The following C11orf65 variants were observed in gnomAD, a reference collection of about 807,000 sequenced individuals.
C11orf65 encodes chromosome 11 open reading frame 65, also known as protein MFI.
Under a neutral mutation model 35.3 loss-of-function variants are expected in C11orf65, and 38 were observed. That is an observed-to-expected ratio of 1.08 (90% CI 0.83 to 1.41). C11orf65 has a LOEUF of 1.41. C11orf65 is among the 40% of genes most tolerant of loss of function. The pLI, the probability that C11orf65 is intolerant of heterozygous loss-of-function variation, is 0.00. For synonymous variants in C11orf65, 105 were observed against 114.4 expected, an observed-to-expected ratio of 0.92 and a Z score of 0.53; for missense variants, 370 against 367.1, an observed-to-expected ratio of 1.01 and a Z score of -0.06.
intron 6 of C11orf65, among the ~76,000 whole-genome samples, chr11:108,316,794 C>G (rs868499686): frequency 2.0e-4 from 29 of 145,740 alleles, no homozygotes; most frequent in African/African-American, 6.8e-4. Flanking sequence ...GGTGTGGTGG[C>G]GGGTGCCTGT....
chr11:108,372,945 T>G (rs916969987), intron 2 of C11orf65, among the ~76,000 whole-genome samples: 1 of 152,024 alleles, frequency 6.6e-6, no homozygotes, highest in Non-Finnish European at 1.5e-5. Context: ...CTGGGTGTAG[T>G]GGCACATGCT....
At chr11:108,352,936 AG>A (rs548163755) in intron 2 of C11orf65, among the ~76,000 whole-genome samples, 236 of 152,254 alleles carry the variant, frequency 1.6e-3, no homozygotes, top group Non-Finnish European at 2.7e-3. Flanking sequence ...GCTGGGTGAT[AG>A]GCTATGGGAG....
At position 108,434,074 on chromosome 11, in the gene C11orf65, A is replaced by G. The variant is rs555363480; in HGVS notation, c.82-2236T>C. Among the ~76,000 whole-genome samples the G allele has an allele frequency of 6.6e-5, 10 of 152,334 alleles. No individual in the cohort carries two copies. The South Asian group carries it at 2.1e-3, about 32-fold the overall frequency. On this transcript the variant is annotated intron_variant, in intron 2 of 8. Coordinates refer to ENST00000393084, the MANE Select transcript of C11orf65 (RefSeq NM_152587.5). ...TGTGTCGTATGTGAATGCTCACCAA[A>G]GAACAATCTCAACAGAGAAGAATCT... is the stretch of plus-strand genomic sequence containing the variant.
chr11:108,378,604 T>C (rs1197570389), downstream of C11orf65, among the ~76,000 whole-genome samples: 2 of 126,798 alleles, frequency 1.6e-5, no homozygotes, highest in African/African-American at 3.4e-5. Context: ...CCAAAAGCAA[T>C]GGCAACAAAA....
At chr11:108,327,844 A>T, downstream of C11orf65, 6 of 1,053,066 alleles carry the variant, frequency 5.7e-6, no homozygotes, top group Non-Finnish European at 8.7e-6. Context: ...TTTCCAAAGC[A>T]AATAAAAGTA....
At chr11:108,394,825 C>T (rs183430533) in intron 6 of C11orf65, among the ~76,000 whole-genome samples, 111 of 152,244 alleles carry the variant, frequency 7.3e-4, no homozygotes, top group African/African-American at 2.6e-3. Context: ...GCCTCACTGA[C>T]CTCTTCCTTA....
chr11:108,384,148 C>T (rs1214717859), intron 8 of C11orf65, among the ~76,000 whole-genome samples: 1 of 152,134 alleles, frequency 6.6e-6, no homozygotes, highest in Admixed American at 6.5e-5. Context: ...AGGCATGAGC[C>T]ATTGTGCTGG....
At chr11:108,434,453 C>T (rs1316340688) in intron 2 of C11orf65, among the ~76,000 whole-genome samples, 2 of 150,798 alleles carry the variant, frequency 1.3e-5, no homozygotes, top group South Asian at 2.1e-4. Flanking sequence ...TGCAGTGAGC[C>T]GAAATGGTGC....
At chr11:108,461,179 A>T (rs1212569368) in intron 2 of C11orf65, among the ~76,000 whole-genome samples, 1 of 152,156 alleles carries the variant, frequency 6.6e-6, no homozygotes, top group Non-Finnish European at 1.5e-5. Flanking sequence ...AGGAGGGTGG[A>T]TCACCTGAAG....
chr11:108,426,934 G>A (rs1425191547), intron 3 of C11orf65, among the ~76,000 whole-genome samples: 2 of 152,070 alleles, frequency 1.3e-5, no homozygotes, highest in Non-Finnish European at 2.9e-5. Flanking sequence ...CAAGCAATGG[G>A]GAAAAGATTT....
At chr11:108,457,369 C>T (rs961532544) in intron 2 of C11orf65, among the ~76,000 whole-genome samples, 7 of 152,070 alleles carry the variant, frequency 4.6e-5, no homozygotes, top group Admixed American at 2.0e-4. Context: ...ATGGGCCAGG[C>T]GCGGTGGCTC....
chr11:108,375,994 G>T (rs1416414087), intron 2 of C11orf65, among the ~76,000 whole-genome samples: 1 of 152,042 alleles, frequency 6.6e-6, no homozygotes, highest in East Asian at 1.9e-4. Context: ...AGCAAGTCCT[G>T]AGTGACCTAC....
chr11:108,428,121 G>A (rs1404339268), intron 3 of C11orf65, among the ~76,000 whole-genome samples: 4 of 151,844 alleles, frequency 2.6e-5, no homozygotes, highest in African/African-American at 4.8e-5. Context: ...GAGCCACCGC[G>A]CCCACCCAGA....
In C11orf65 at chr11:108,457,124, G is replaced by A. The variant is rs565427362; in HGVS notation, c.81+4355C>T. Among the ~76,000 whole-genome samples, 7 of 151,924 alleles carry A rather than the reference G, an allele frequency of 4.6e-5. No individual in the cohort carries two copies. The South Asian group carries it at 1.5e-3, about 32-fold the overall frequency. On this transcript the variant is annotated intron_variant, in intron 2 of 8. Transcript: ENST00000393084. ...TCAGCCTGATGGAACAAGAAACTAA[G>A]ACTTAAATATTCTTTAAACCAATAA...
intron 8 of C11orf65, among the ~76,000 whole-genome samples, chr11:108,383,983 T>A (rs1161777115): frequency 2.6e-5 from 4 of 151,662 alleles, no homozygotes; most frequent in African/African-American, 9.7e-5. Flanking sequence ...CCGCCTCAGC[T>A]TCCCAAGTAG....
chr11:108,454,522 T>C (rs1204438981), intron 2 of C11orf65, among the ~76,000 whole-genome samples: 1 of 152,190 alleles, frequency 6.6e-6, no homozygotes. Flanking sequence ...GGTCTTGAAC[T>C]CCCGACCTCA....
intron 2 of C11orf65, chr11:108,345,662 CAT>C: frequency 2.5e-6 from 3 of 1,187,488 alleles, no homozygotes; most frequent in Non-Finnish European, 3.5e-6. Context: ...CTATATCTGT[CAT>C]ATTTTTATAT....
chr11:108,328,493 G>T (rs1333920430), downstream of C11orf65, among the ~76,000 whole-genome samples: 1 of 152,148 alleles, frequency 6.6e-6, no homozygotes, highest in African/African-American at 2.4e-5. Context: ...TGATCCACCT[G>T]CCTCGGCCTC....
intron 2 of C11orf65, among the ~76,000 whole-genome samples, chr11:108,433,275 A>G (rs61913877): frequency 0.03 from 4,527 of 148,950 alleles, 107 homozygotes; most frequent in Non-Finnish European, 0.046. Context: ...ATATATATAG[A>G]TATATATAGA....
Sources: gnomAD v4.1 joint callset for allele counts (sites outside exome capture counted in the v4.1 genomes callset) on GRCh38, gnomAD v4.1.1 for gene constraint, MANE v1.5 for transcripts, NCBI Gene and HGNC (gene_info 2026-07-23, HGNC 2026-07-21) for gene names.